ABL2: variants seen among roughly 807,000 people sequenced by gnomAD.
ABL2 encodes the protein tyrosine-protein kinase ABL2.
In ABL2, 49 loss-of-function variants were observed where a neutral mutation model predicts 107.7. The observed-to-expected ratio is 0.45, with a 90% CI of 0.36 to 0.58. The LOEUF (loss-of-function observed/expected upper bound fraction) is 0.58, where lower values mean the gene tolerates loss of function less well. Among genes scored for constraint, ABL2 ranks in the 20% least tolerant of loss-of-function variants. ABL2 has a pLI of 0.00. For synonymous variants in ABL2, 549 were observed against 548.6 expected (o/e 1.00, Z -0.01); for missense variants, 1,245 against 1,457.0 (o/e 0.85, Z 2.37).
chr1:179,105,121 T>C lies in ABL2; in HGVS notation c.*2597A>G, dbSNP rs1051513962. 15 of 230,338 alleles carry C rather than the reference T, an allele frequency of 6.5e-5. No homozygotes were observed. The highest frequency in any genetic ancestry group is 1.0e-4 in the Non-Finnish European group (12 of 116,306). The allele number at this position is 230,338 out of a possible 1,614,324, so 14.3% of individuals were successfully genotyped here. On this transcript the variant is annotated 3_prime_UTR_variant, in exon 12 of 12. Transcript: ENST00000502732. ...CCACTCTTGACAGTGTTGACAAAAA[T>C]CAATTCCATTTATATATCGTGCACC...
intron 1 of ABL2, among the ~76,000 whole-genome samples, chr1:179,199,366 A>C (rs1483626949): frequency 6.6e-6 from 1 of 152,166 alleles, no homozygotes; most frequent in Non-Finnish European, 1.5e-5. Flanking sequence ...GTGATTGTGG[A>C]GATCCATTTA....
At chr1:179,143,242 C>T (rs1469485243) in intron 1 of ABL2, among the ~76,000 whole-genome samples, 2 of 152,154 alleles carry the variant, frequency 1.3e-5, no homozygotes, top group East Asian at 1.9e-4. Flanking sequence ...TCCAGCAATC[C>T]GCAAAAGACT....
intron 3 of ABL2, among the ~76,000 whole-genome samples, chr1:179,127,260 G>C (rs921561677): frequency 6.6e-6 from 1 of 152,104 alleles, no homozygotes; most frequent in Admixed American, 6.5e-5. Context: ...GTTTAGTGGG[G>C]TGAGGGGAAT....
At chr1:179,154,297 CTTAA>C (rs1413389774) in intron 1 of ABL2, among the ~76,000 whole-genome samples, 1 of 152,218 alleles carries the variant, frequency 6.6e-6, no homozygotes, top group Non-Finnish European at 1.5e-5. Flanking sequence ...AAATGTTACA[CTTAA>C]TTATGTGTCG....
At chr1:179,216,818 C>T (rs1348192325) in intron 1 of ABL2, among the ~76,000 whole-genome samples, 1 of 151,748 alleles carries the variant, frequency 6.6e-6, no homozygotes, top group Non-Finnish European at 1.5e-5. Flanking sequence ...CGAGTAGCTG[C>T]AACTACAGGC....
intron 6 of ABL2, among the ~76,000 whole-genome samples, chr1:179,119,024 TA>T (rs1318602240): frequency 5.3e-5 from 8 of 152,190 alleles, no homozygotes; most frequent in Non-Finnish European, 8.8e-5. Flanking sequence ...GAGTTACCTG[TA>T]TTAATTCTAT....
At chr1:179,164,670 T>A (rs1659276216) in intron 1 of ABL2, among the ~76,000 whole-genome samples, 1 of 152,080 alleles carries the variant, frequency 6.6e-6, no homozygotes, top group Non-Finnish European at 1.5e-5. Context: ...TAAAACTAGA[T>A]CATTCCTCAA....
intron 1 of ABL2, among the ~76,000 whole-genome samples, chr1:179,223,683 A>C (rs1252123922): frequency 1.3e-5 from 2 of 152,074 alleles, no homozygotes; most frequent in Admixed American, 6.6e-5. Context: ...GCACTCAAGA[A>C]AAAAAGAAAA....
intron 1 of ABL2, 63 bp downstream of exon 1, chr1:179,229,167 TCCGCCACCCAC>T: frequency 2.5e-6 from 1 of 402,570 alleles, no homozygotes; most frequent in Non-Finnish European, 4.6e-6. Flanking sequence ...GGGCAGCCCG[TCCGCCACCCAC>T]CCCGCCCCGA....
At chr1:179,215,884 T>C (rs950700650) in intron 1 of ABL2, among the ~76,000 whole-genome samples, 3 of 152,194 alleles carry the variant, frequency 2.0e-5, no homozygotes, top group African/African-American at 7.2e-5. Context: ...TGCTAAGTGG[T>C]AATCTTCAGT....
chr1:179,221,910 G>T, intron 1 of ABL2: 1 of 234,354 alleles, frequency 4.3e-6, no homozygotes, highest in South Asian at 7.8e-5. Flanking sequence ...TCCATGAAAT[G>T]ATGGGTCACG....
chr1:179,207,137 T>G (rs2102858132), intron 1 of ABL2, among the ~76,000 whole-genome samples: 1 of 151,900 alleles, frequency 6.6e-6, no homozygotes, highest in East Asian at 1.9e-4. Context: ...CCTTCTGAAG[T>G]CAGCTCCTCT....
intron 1 of ABL2, among the ~76,000 whole-genome samples, chr1:179,173,972 G>C (rs1011478516): frequency 2.0e-5 from 3 of 152,114 alleles, no homozygotes; most frequent in Admixed American, 6.5e-5. Context: ...CCTGAAGTAT[G>C]ATATTGTTAC....
intron 1 of ABL2, among the ~76,000 whole-genome samples, chr1:179,211,064 A>C (rs1662244787): frequency 6.6e-6 from 1 of 152,130 alleles, no homozygotes; most frequent in Admixed American, 6.5e-5. Flanking sequence ...ATAGTTAATA[A>C]TTTCAGGAAA....
chr1:179,219,079 G>C (rs1322589708), intron 1 of ABL2, among the ~76,000 whole-genome samples: 1 of 152,136 alleles, frequency 6.6e-6, no homozygotes, highest in Non-Finnish European at 1.5e-5. Flanking sequence ...GTCTCATTCT[G>C]TCGCCCAGAA....
intron 1 of ABL2, 35 bp downstream of exon 1, chr1:179,229,206 C>CCCCCCCCCCCCCCCCAA: frequency 1.4e-6 from 2 of 1,480,762 alleles, no homozygotes; most frequent in Non-Finnish European, 1.8e-6. Context: ...CCCGGCCTCC[C>CCCCCCCCCCCCCCCCAA]CCACGCTCTC....
intron 1 of ABL2, among the ~76,000 whole-genome samples, chr1:179,200,566 C>T (rs1251035149): frequency 6.6e-6 from 1 of 152,166 alleles, no homozygotes; most frequent in Non-Finnish European, 1.5e-5. Context: ...CTATCTCCCA[C>T]CCCATTTGGG....
Position 179,105,485 on chromosome 1 carries a change from T to C in ABL2, c.*2233A>G, listed in dbSNP as rs559333140. 2.2e-5 allele frequency: 5 copies of C among 229,706 alleles called. No individual in the cohort carries two copies. Among genetic ancestry groups the C allele is most frequent in the South Asian group, 3.6e-4 (2 of 5,504 alleles). The allele number at this position is 229,706 out of a possible 1,614,324, so 14.2% of individuals were successfully genotyped here. On this transcript the variant is annotated 3_prime_UTR_variant, in exon 12 of 12. Transcript: ENST00000502732. Reference sequence around the variant, plus strand: ...AACGAGTTCTTCAAGTTTACGGACATGTATGATGAGCAAGAATGGCAGGAA... The same window carrying C: ...AACGAGTTCTTCAAGTTTACGGACACGTATGATGAGCAAGAATGGCAGGAA...
chr1:179,191,344 A>T (rs115315347), intron 1 of ABL2, among the ~76,000 whole-genome samples: 17 of 151,634 alleles, frequency 1.1e-4, no homozygotes, highest in Admixed American at 3.3e-4. Flanking sequence ...TACTTTTCCA[A>T]TTCTTCTATA....
Sources: gnomAD v4.1 joint callset for allele counts (sites outside exome capture counted in the v4.1 genomes callset) on GRCh38, gnomAD v4.1.1 for gene constraint, MANE v1.5 for transcripts, NCBI Gene and HGNC (gene_info 2026-07-23, HGNC 2026-07-21) for gene names.